The following ZNF804A variants were observed in gnomAD, a reference collection of about 807,000 sequenced individuals.
The protein encoded by ZNF804A is zinc finger protein 804A.
Under a neutral mutation model 16.5 loss-of-function variants are expected in ZNF804A, and 2 were observed. The observed-to-expected ratio is 0.12, with a 90% CI of 0.05 to 0.38. The LOEUF (loss-of-function observed/expected upper bound fraction) is 0.38, where lower values mean the gene tolerates loss of function less well. Among genes scored for constraint, ZNF804A ranks in the 10% least tolerant of loss-of-function variants. The probability of loss-of-function intolerance (pLI) is 0.99; values close to 1 mark genes in which losing one functional copy is unlikely to be tolerated. For missense variants in ZNF804A, 1,473 were observed against 1,390.7 expected, an observed-to-expected ratio of 1.06 and a Z score of -0.94; for synonymous variants, 534 against 489.6, an observed-to-expected ratio of 1.09 and a Z score of -1.20.
intron 1 of ZNF804A, among the ~76,000 whole-genome samples, chr2:184,756,007 T>C (rs1451775766): frequency 2.0e-5 from 3 of 152,048 alleles, no homozygotes; most frequent in Non-Finnish European, 4.4e-5. Context: ...AGTTTGCTTG[T>C]TTCTAACCCT....
chr2:184,642,905 G>T (rs561474679), intron 1 of ZNF804A, among the ~76,000 whole-genome samples: 1 of 152,188 alleles, frequency 6.6e-6, no homozygotes, highest in East Asian at 1.9e-4. Flanking sequence ...ATATGGTAAT[G>T]GATAATGGAG....
chr2:184,654,698 C>T (rs1692046915), intron 1 of ZNF804A, among the ~76,000 whole-genome samples: 5 of 152,104 alleles, frequency 3.3e-5, no homozygotes, highest in Admixed American at 3.3e-4. Context: ...ATATGAAAAA[C>T]ATTTGAGAAG....
chr2:184,822,170 C>T (rs770363717), intron 1 of ZNF804A, among the ~76,000 whole-genome samples: 8 of 152,122 alleles, frequency 5.3e-5, no homozygotes, highest in Non-Finnish European at 1.2e-4. Flanking sequence ...CCCAAATGCC[C>T]ATCAATTGTA....
chr2:184,707,026 G>A (rs1299434080), intron 1 of ZNF804A, among the ~76,000 whole-genome samples: 1 of 152,110 alleles, frequency 6.6e-6, no homozygotes, highest in African/African-American at 2.4e-5. Context: ...GAAATGCCAG[G>A]TTTGTTAACT....
At chr2:184,808,195 A>G (rs946969212) in intron 1 of ZNF804A, among the ~76,000 whole-genome samples, 1 of 151,586 alleles carries the variant, frequency 6.6e-6, no homozygotes, top group Non-Finnish European at 1.5e-5. Context: ...AAATATAAGC[A>G]TGTATCATAC....
intron 1 of ZNF804A, among the ~76,000 whole-genome samples, chr2:184,634,682 TC>T (rs1421098245): frequency 1.3e-5 from 2 of 152,130 alleles, no homozygotes; most frequent in Admixed American, 6.6e-5. Flanking sequence ...AGAAATAGAT[TC>T]CTACTTAGGG....
chr2:184,703,651 C>T (rs1352021748), intron 1 of ZNF804A, among the ~76,000 whole-genome samples: 2 of 128,708 alleles, frequency 1.6e-5, no homozygotes, highest in Non-Finnish European at 3.1e-5. Context: ...GATTGCGCCA[C>T]TGCACTCCAG....
chr2:184,860,015 G>A (rs988096540), intron 1 of ZNF804A, among the ~76,000 whole-genome samples: 1 of 152,206 alleles, frequency 6.6e-6, no homozygotes, highest in African/African-American at 2.4e-5. Context: ...TAACTCCACA[G>A]GAATAGGTCT....
intron 1 of ZNF804A, among the ~76,000 whole-genome samples, chr2:184,772,422 C>T (rs1694230472): frequency 6.6e-6 from 1 of 151,914 alleles, no homozygotes; most frequent in Admixed American, 6.6e-5. Flanking sequence ...TTTCATTTAG[C>T]ATTTTGTGAA....
chr2:184,866,233 C>T, intron 1 of ZNF804A, 136 bp from the exon 2 acceptor site: 6 of 662,162 alleles, frequency 9.1e-6, no homozygotes, highest in South Asian at 8.8e-5. Flanking sequence ...ACTTGGTTTT[C>T]TAGTATTTGC....
chr2:184,622,304 C>T (rs1574135464), intron 1 of ZNF804A, among the ~76,000 whole-genome samples: 1 of 151,682 alleles, frequency 6.6e-6, no homozygotes, highest in African/African-American at 2.4e-5. Flanking sequence ...CTAAAGTATA[C>T]CTTTCTCCAC....
intron 1 of ZNF804A, among the ~76,000 whole-genome samples, chr2:184,663,825 G>A (rs533798641): frequency 5.0e-4 from 76 of 152,300 alleles, no homozygotes; most frequent in Non-Finnish European, 8.1e-4. Context: ...TCGTATGAAA[G>A]AACGCTTGCT....
chr2:184,688,557 C>T (rs565798556), intron 1 of ZNF804A, among the ~76,000 whole-genome samples: 4 of 152,152 alleles, frequency 2.6e-5, no homozygotes, highest in Middle Eastern at 3.4e-3. Flanking sequence ...GCCATTCTTA[C>T]CTATTTTACT....
intron 1 of ZNF804A, among the ~76,000 whole-genome samples, chr2:184,709,394 A>C (rs1433365499): frequency 6.6e-6 from 1 of 152,120 alleles, no homozygotes; most frequent in East Asian, 1.9e-4. Context: ...TAGAAAATTA[A>C]ATGAATATCT....
chr2:184,869,025 C>G (rs567897975), intron 2 of ZNF804A, among the ~76,000 whole-genome samples: 9 of 151,960 alleles, frequency 5.9e-5, no homozygotes, highest in Non-Finnish European at 1.3e-4. Context: ...ACTCTTCGTG[C>G]GCTGAAATGC....
At chr2:184,691,615 A>G (rs527891498) in intron 1 of ZNF804A, among the ~76,000 whole-genome samples, 113 of 151,926 alleles carry the variant, frequency 7.4e-4, no homozygotes, top group Admixed American at 1.3e-3. Flanking sequence ...ATATTAGAAT[A>G]TTATTATTTG....
chr2:184,775,496 C>T (rs1325389492), intron 1 of ZNF804A, among the ~76,000 whole-genome samples: 5 of 151,600 alleles, frequency 3.3e-5, no homozygotes, highest in Admixed American at 2.6e-4. Context: ...TTTCTCGGTT[C>T]TACACTTCTA....
chr2:184,727,979 A>C (rs1040691618), intron 1 of ZNF804A, among the ~76,000 whole-genome samples: 2 of 151,758 alleles, frequency 1.3e-5, no homozygotes, highest in Non-Finnish European at 3.0e-5. Context: ...TATATTAAAA[A>C]TAGCATTGGG....
At chr2:184,837,450 T>G (rs1695369713) in intron 1 of ZNF804A, among the ~76,000 whole-genome samples, 1 of 152,120 alleles carries the variant, frequency 6.6e-6, no homozygotes, top group Non-Finnish European at 1.5e-5. Context: ...AAGTATATTT[T>G]CAGACTTCTA....
Sources: gnomAD v4.1 joint callset for allele counts (sites outside exome capture counted in the v4.1 genomes callset) on GRCh38, gnomAD v4.1.1 for gene constraint, MANE v1.5 for transcripts, NCBI Gene and HGNC (gene_info 2026-07-23, HGNC 2026-07-21) for gene names.